Variants in PDE4D observed in about 807,000 individuals in gnomAD.
The protein encoded by PDE4D is 3',5'-cyclic-AMP phosphodiesterase 4D.
In PDE4D, 24 loss-of-function variants were observed where a neutral mutation model predicts 87.4. The ratio of observed to expected loss-of-function variants is 0.27; its 90% CI spans 0.20 to 0.39. The LOEUF is 0.39. Ranked by LOEUF, PDE4D falls within the 10% of genes least tolerant of loss-of-function variation. The pLI is 1.00. For synonymous variants in PDE4D, 384 were observed against 383.2 expected, an observed-to-expected ratio of 1.00 and a Z score of -0.02; for missense variants, 714 against 1,041.0, an observed-to-expected ratio of 0.69 and a Z score of 4.32.
At chr5:59,208,896 G>T (rs1749444755) in intron 2 of PDE4D, among the ~76,000 whole-genome samples, 1 of 152,092 alleles carries the variant, frequency 6.6e-6, no homozygotes, top group Non-Finnish European at 1.5e-5. Context: ...AACTTCTTGA[G>T]ATTTAATAGC....
intron 1 of PDE4D, among the ~76,000 whole-genome samples, chr5:59,333,634 C>T (rs1276702905): frequency 2.0e-5 from 3 of 152,132 alleles, no homozygotes; most frequent in Non-Finnish European, 4.4e-5. Context: ...AGTTTTAATG[C>T]TGCTTAAAGG....
At chr5:59,672,093 G>A (rs987082455) in intron 1 of PDE4D, among the ~76,000 whole-genome samples, 2 of 152,082 alleles carry the variant, frequency 1.3e-5, no homozygotes, top group African/African-American at 2.4e-5. Flanking sequence ...TCAGGCTAAC[G>A]GCAGGGCTGG....
intron 1 of PDE4D, among the ~76,000 whole-genome samples, chr5:59,742,026 A>G (rs1758913073): frequency 1.3e-5 from 2 of 152,016 alleles, no homozygotes; most frequent in South Asian, 4.2e-4. Context: ...TGTTACTGAT[A>G]TCAATTATCA....
intron 2 of PDE4D, among the ~76,000 whole-genome samples, chr5:60,132,649 T>C (rs1779682958): frequency 6.6e-6 from 1 of 152,120 alleles, no homozygotes; most frequent in Non-Finnish European, 1.5e-5. Flanking sequence ...GAGGACATGG[T>C]TAAAAGAGCA....
rs550775197 is a variant in PDE4D at position 59,404,168 on chromosome 5, C to T, written c.456-188200G>A. ...TTGGATTATCAGATTTTTTTTCCTA[C>T]GGAGTTGAGCTCCTAATATATTCTG... On this transcript the variant is annotated intron_variant, in intron 1 of 14. Coordinates refer to ENST00000340635, the MANE Select transcript of PDE4D (RefSeq NM_001104631.2). Among the ~76,000 whole-genome samples the T allele has an allele frequency of 1.2e-4, 18 of 152,116 alleles. No homozygotes were observed. The East Asian group carries it at 1.7e-3, about 15-fold the overall frequency.
intron 1 of PDE4D, among the ~76,000 whole-genome samples, chr5:59,431,998 T>C (rs1459277635): frequency 6.6e-6 from 1 of 152,162 alleles, no homozygotes; most frequent in African/African-American, 2.4e-5. Context: ...CCATTTCTAT[T>C]CAATAATTTT....
chr5:59,935,966 A>G (rs1307654187), intron 3 of PDE4D, among the ~76,000 whole-genome samples: 2 of 152,228 alleles, frequency 1.3e-5, no homozygotes, highest in African/African-American at 4.8e-5. Context: ...CTTTGGGTAT[A>G]TACCCAGTAA....
intron 1 of PDE4D, among the ~76,000 whole-genome samples, chr5:59,263,395 AAG>A (rs1284066666): frequency 1.3e-5 from 2 of 151,898 alleles, no homozygotes; most frequent in South Asian, 2.1e-4. Flanking sequence ...CAGCACAGAG[AAG>A]AGAGTTTTAA....
rs571475987 is a variant in PDE4D, at chr5:60,518,728, G to A, written n.70+3323C>T. On this transcript the variant is annotated intron_variant and non_coding_transcript_variant, in intron 1 of 2. Coordinates refer to the PDE4D transcript ENST00000506510. Reference sequence around the variant, plus strand: ...TCTTCAAGAAAGATACTGCCTTTGAGGCTTCCAAACTAGTCTTCATAATGT... The same window carrying A: ...TCTTCAAGAAAGATACTGCCTTTGAAGCTTCCAAACTAGTCTTCATAATGT... Among the ~76,000 whole-genome samples, 5 of 152,186 alleles carry A rather than the reference G, an allele frequency of 3.3e-5. No homozygotes were observed. The East Asian group carries it at 9.7e-4, about 29-fold the overall frequency.
chr5:58,993,514 T>A, intron 6 of PDE4D, 49 bp from the exon 7 acceptor site: 1 of 1,149,462 alleles, frequency 8.7e-7, no homozygotes, highest in Non-Finnish European at 1.3e-6. Flanking sequence ...AAAATTTAAG[T>A]GAAATATATA....
At chr5:59,133,148 C>A (rs1776521116) in intron 5 of PDE4D, among the ~76,000 whole-genome samples, 1 of 152,078 alleles carries the variant, frequency 6.6e-6, no homozygotes, top group South Asian at 2.1e-4. Flanking sequence ...CTGTCACATG[C>A]ATGAAACACA....
chr5:59,118,536 C>T (rs1259761763), intron 5 of PDE4D, among the ~76,000 whole-genome samples: 1 of 152,098 alleles, frequency 6.6e-6, no homozygotes, highest in Non-Finnish European at 1.5e-5. Context: ...ATATTGATTA[C>T]TCAAAAAAAA....
At chr5:59,896,671 A>C (rs994316497), upstream of PDE4D, among the ~76,000 whole-genome samples, 7 of 152,248 alleles carry the variant, frequency 4.6e-5, no homozygotes, top group African/African-American at 1.7e-4. Context: ...TTACTCTCTC[A>C]TTAAATGGTT....
At chr5:60,069,532 T>C (rs1292335039) in intron 2 of PDE4D, among the ~76,000 whole-genome samples, 1 of 152,190 alleles carries the variant, frequency 6.6e-6, no homozygotes, top group Non-Finnish European at 1.5e-5. Context: ...TCTCTTATGT[T>C]CCATTGGTCT....
chr5:59,511,634 A>T (rs1810293657), intron 1 of PDE4D, among the ~76,000 whole-genome samples: 1 of 152,150 alleles, frequency 6.6e-6, no homozygotes, highest in East Asian at 1.9e-4. Context: ...AACAAGTATA[A>T]AATTCCTTAA....
At chr5:60,051,953 A>T (rs1426851815) in intron 2 of PDE4D, among the ~76,000 whole-genome samples, 2 of 152,202 alleles carry the variant, frequency 1.3e-5, no homozygotes, top group Non-Finnish European at 2.9e-5. Context: ...GAAATGGATA[A>T]ATTCCTGGAC....
At chr5:60,463,918 T>G (rs185691951) in intron 1 of PDE4D, among the ~76,000 whole-genome samples, 1 of 152,346 alleles carries the variant, frequency 6.6e-6, no homozygotes, top group East Asian at 1.9e-4. Flanking sequence ...CAGCAAGTTA[T>G]GAAAATTTTA....
At chr5:59,938,003 T>C (rs1475420822) in intron 3 of PDE4D, among the ~76,000 whole-genome samples, 2 of 152,226 alleles carry the variant, frequency 1.3e-5, no homozygotes, top group African/African-American at 4.8e-5. Flanking sequence ...GTGCTTTTAT[T>C]CCAATCTAAT....
At chr5:59,566,370 C>A (rs972461585) in intron 1 of PDE4D, among the ~76,000 whole-genome samples, 2 of 152,090 alleles carry the variant, frequency 1.3e-5, no homozygotes, top group African/African-American at 4.8e-5. Context: ...TCTCTCTTGC[C>A]TTCTTTTCCT....
Sources: gnomAD v4.1 joint callset for allele counts (sites outside exome capture counted in the v4.1 genomes callset) on GRCh38, gnomAD v4.1.1 for gene constraint, MANE v1.5 for transcripts, NCBI Gene and HGNC (gene_info 2026-07-23, HGNC 2026-07-21) for gene names.